PPA2: variants seen among roughly 807,000 people sequenced by gnomAD.
The protein encoded by PPA2 is inorganic pyrophosphatase 2, also known as inorganic pyrophosphatase 2, mitochondrial.
Under a neutral mutation model 49.5 loss-of-function variants are expected in PPA2, and 48 were observed. The ratio of observed to expected loss-of-function variants is 0.97; its 90% CI spans 0.77 to 1.23. The LOEUF (loss-of-function observed/expected upper bound fraction) is 1.23. PPA2 is among the 50% of genes most tolerant of loss of function. The probability of loss-of-function intolerance (pLI) is 0.00; values close to 1 mark genes in which losing one functional copy is unlikely to be tolerated. For synonymous variants in PPA2, 131 were observed against 139.9 expected (o/e 0.94, Z 0.45); for missense variants, 429 against 410.1 (o/e 1.05, Z -0.40).
At chr4:105,399,262 C>A in intron 7 of PPA2, 98 bp from the exon 8 acceptor site, 8 of 1,153,536 alleles carry the variant, frequency 6.9e-6, no homozygotes, top group Non-Finnish European at 9.7e-6. Flanking sequence ...AACATGGGGC[C>A]CAGTCTAACC....
rs575896250 is a variant in PPA2 at position 105,450,601 on chromosome 4, C to CTT, written c.268-1200_268-1199dup. Among the ~76,000 whole-genome samples, 259 of 82,632 alleles carry CTT rather than the reference C, an allele frequency of 3.1e-3. 15 individuals are homozygous for CTT. Among genetic ancestry groups the CTT allele is most frequent in the Middle Eastern group, 7.5e-3 (1 of 134 alleles). 54.2% of individuals were successfully genotyped at this position (82,632 alleles called of 152,430 possible). A position where few individuals can be genotyped will look rare whatever the true frequency, so the allele number is the denominator to read the frequency against. On this transcript the variant is annotated intron_variant, in intron 3 of 11. Coordinates refer to ENST00000341695, the MANE Select transcript of PPA2 (RefSeq NM_176869.3). Reference sequence around the variant, plus strand: ...ATGCTGGCCAGGCTGGTCTGGAATTCTTTTTTTTTTTTTTTTTTTTTTTTG... The same window carrying CTT: ...ATGCTGGCCAGGCTGGTCTGGAATTCTTTTTTTTTTTTTTTTTTTTTTTTTTG...
intron 10 of PPA2, among the ~76,000 whole-genome samples, chr4:105,378,550 C>A (rs959027380): frequency 1.3e-5 from 2 of 151,920 alleles, no homozygotes; most frequent in African/African-American, 4.8e-5. Context: ...TCTTTTCATT[C>A]TCCTAAGAAT....
intron 6 of PPA2, among the ~76,000 whole-genome samples, chr4:105,433,168 T>C (rs1171807178): frequency 6.6e-6 from 1 of 152,118 alleles, no homozygotes; most frequent in Non-Finnish European, 1.5e-5. Context: ...TTGAAAAGTA[T>C]ACACCTCATG....
At chr4:105,394,373 CAAAAA>C (rs34736301) in intron 9 of PPA2, among the ~76,000 whole-genome samples, 16 of 96,902 alleles carry the variant, frequency 1.7e-4, no homozygotes, top group South Asian at 1.2e-3. Context: ...GATTCCATTT[CAAAAA>C]AAAAAAAAAA....
At chr4:105,427,153 A>G (rs745843559) in intron 6 of PPA2, among the ~76,000 whole-genome samples, 2 of 152,216 alleles carry the variant, frequency 1.3e-5, no homozygotes, top group African/African-American at 2.4e-5. Flanking sequence ...AATAGCACCA[A>G]CATCAACAAA....
intron 4 of PPA2, among the ~76,000 whole-genome samples, chr4:105,448,873 T>C (rs1387083969): frequency 6.6e-6 from 1 of 152,084 alleles, no homozygotes; most frequent in Non-Finnish European, 1.5e-5. Flanking sequence ...AAACTCTCTA[T>C]AAAACTATAA....
intron 6 of PPA2, among the ~76,000 whole-genome samples, chr4:105,425,998 CG>C (rs1723489115): frequency 6.6e-6 from 1 of 151,902 alleles, no homozygotes; most frequent in African/African-American, 2.4e-5. Flanking sequence ...CCTAGAATGC[CG>C]GGAGTCATAA....
intron 7 of PPA2, among the ~76,000 whole-genome samples, chr4:105,421,172 G>A (rs1043398410): frequency 6.6e-6 from 1 of 152,124 alleles, no homozygotes; most frequent in African/African-American, 2.4e-5. Flanking sequence ...AGTTATTAGG[G>A]TAATAGTAGA....
At chr4:105,393,759 TG>T (rs1734022694) in intron 9 of PPA2, among the ~76,000 whole-genome samples, 1 of 151,510 alleles carries the variant, frequency 6.6e-6, no homozygotes, top group African/African-American at 2.4e-5. Context: ...GTGAGAAAAA[TG>T]GGTTTCAAAA....
intron 7 of PPA2, chr4:105,399,367 C>T (rs546272301): frequency 2.6e-5 from 11 of 428,360 alleles, no homozygotes; most frequent in African/African-American, 1.8e-4. Context: ...AATACTATTC[C>T]TGCACTCTAC....
intron 9 of PPA2, among the ~76,000 whole-genome samples, chr4:105,395,052 C>T (rs1734079803): frequency 6.6e-6 from 1 of 151,464 alleles, no homozygotes. Flanking sequence ...ATATTAGAAA[C>T]AATTACCTGC....
At chr4:105,390,243 T>C (rs150762646) in intron 9 of PPA2, among the ~76,000 whole-genome samples, 4 of 152,138 alleles carry the variant, frequency 2.6e-5, no homozygotes, top group Admixed American at 2.6e-4. Context: ...ATTCAGGACA[T>C]AGGCATGGGC....
intron 10 of PPA2, among the ~76,000 whole-genome samples, chr4:105,372,461 T>C (rs893690105): frequency 6.6e-6 from 1 of 152,230 alleles, no homozygotes; most frequent in African/African-American, 2.4e-5. Context: ...TGATAGCTAA[T>C]TTTATGTGTC....
chr4:105,426,041 T>G (rs1723491033), intron 6 of PPA2, among the ~76,000 whole-genome samples: 1 of 152,148 alleles, frequency 6.6e-6, no homozygotes, highest in Admixed American at 6.5e-5. Flanking sequence ...GGGAACTTTC[T>G]GGGATGATGG....
intron 9 of PPA2, among the ~76,000 whole-genome samples, chr4:105,388,462 G>A (rs1212487781): frequency 1.3e-5 from 2 of 152,046 alleles, no homozygotes; most frequent in Admixed American, 6.6e-5. Flanking sequence ...CTGATAAAAT[G>A]TCTTGACAAG....
chr4:105,385,382 C>A (rs1362276918), intron 10 of PPA2, among the ~76,000 whole-genome samples: 8 of 150,674 alleles, frequency 5.3e-5, no homozygotes, highest in African/African-American at 2.0e-4. Context: ...TACCACATAA[C>A]ATAATTAGAT....
At chr4:105,417,942 A>G (rs1723085673) in intron 7 of PPA2, among the ~76,000 whole-genome samples, 1 of 152,194 alleles carries the variant, frequency 6.6e-6, no homozygotes, top group South Asian at 2.1e-4. Context: ...GACTGGCCAT[A>G]TGATTTAGGC....
At chr4:105,373,447 A>G (rs1331478327) in intron 10 of PPA2, among the ~76,000 whole-genome samples, 5 of 147,404 alleles carry the variant, frequency 3.4e-5, no homozygotes, top group Non-Finnish European at 6.0e-5. Flanking sequence ...ATTTAAGGAC[A>G]GTATAACAAT....
intron 7 of PPA2, chr4:105,405,843 G>A: frequency 2.2e-6 from 1 of 459,114 alleles, no homozygotes; most frequent in South Asian, 1.5e-5. Context: ...GGGCACACAG[G>A]AATCCTGATG....
Sources: allele counts gnomAD v4.1 joint callset (sites outside exome capture counted in the v4.1 genomes callset), GRCh38; gene constraint gnomAD v4.1.1; transcripts MANE v1.5; gene names NCBI Gene and HGNC (gene_info 2026-07-23, HGNC 2026-07-21).